The following REPS2 variants were observed in gnomAD, a reference collection of about 807,000 sequenced individuals.
REPS2 encodes RALBP1 associated Eps domain containing 2, also known as ralBP1-associated Eps domain-containing protein 2.
Under a neutral mutation model 53.6 loss-of-function variants are expected in REPS2, and 23 were observed. The observed-to-expected ratio is 0.43, with a 90% CI of 0.31 to 0.61. REPS2 has a LOEUF of 0.61. Among genes scored for constraint, REPS2 ranks in the 20% least tolerant of loss-of-function variants. The probability of loss-of-function intolerance (pLI) is 0.11; values close to 1 mark genes in which losing one functional copy is unlikely to be tolerated. For missense variants in REPS2, 446 were observed against 534.9 expected, an observed-to-expected ratio of 0.83 and a Z score of 1.64; for synonymous variants, 238 against 218.6, an observed-to-expected ratio of 1.09 and a Z score of -0.78.
intron 2 of REPS2, 21 bp downstream of exon 2, chrX:17,006,365 T>C: frequency 1.7e-6 from 2 of 1,195,203 alleles, no homozygotes; most frequent in Non-Finnish European, 2.3e-6. Flanking sequence ...CACATTTGTA[T>C]GTTTTATTGT....
rs1452893407 is a variant in REPS2, at chrX:17,047,922, C to T, written c.907+440C>T. Among the ~76,000 whole-genome samples, 4 of 112,842 alleles carry T rather than the reference C, an allele frequency of 3.5e-5. No homozygotes were observed. In the Admixed American group the frequency reaches 3.7e-4, roughly 11 times the overall value. ...GTTTTCTTTGGCTCAAATGTTTGTC[C>T]TCCAGTTTTTCTGAGAGAAATTAAA... On this transcript the variant is annotated intron_variant, in intron 6 of 17. Transcript: ENST00000357277.
chrX:17,020,785 C>T (rs996157795), intron 2 of REPS2, among the ~76,000 whole-genome samples: 2 of 110,804 alleles, frequency 1.8e-5, no homozygotes, highest in Non-Finnish European at 3.8e-5. Context: ...CCTGACGCCA[C>T]GCCTGGCTAA....
intron 1 of REPS2, among the ~76,000 whole-genome samples, chrX:16,974,506 A>T (rs1022502357): frequency 3.6e-5 from 4 of 110,498 alleles, no homozygotes; most frequent in African/African-American, 1.3e-4. Flanking sequence ...AACAAAAAAA[A>T]TTAGCCATGG....
intron 17 of REPS2, among the ~76,000 whole-genome samples, chrX:17,144,379 C>T (rs2063485771): frequency 2.7e-5 from 3 of 112,973 alleles, no homozygotes; most frequent in African/African-American, 3.2e-5. Flanking sequence ...TTTCAGCCAA[C>T]ACTTATTTTA....
At chrX:17,000,076 C>T (rs1297714036) in intron 1 of REPS2, among the ~76,000 whole-genome samples, 1 of 102,175 alleles carries the variant, frequency 9.8e-6, no homozygotes, top group Non-Finnish European at 2.0e-5. Flanking sequence ...AAAGCAAAAT[C>T]TTATTTCTAG....
chrX:17,124,835 C>A (rs1603086690), intron 14 of REPS2, among the ~76,000 whole-genome samples: 2 of 106,481 alleles, frequency 1.9e-5, no homozygotes, highest in African/African-American at 6.9e-5. Flanking sequence ...CACACCTTGG[C>A]AAAGTTCTAC....
chrX:16,979,765 T>C (rs2060998355), intron 1 of REPS2, among the ~76,000 whole-genome samples: 1 of 111,223 alleles, frequency 9.0e-6, no homozygotes, highest in Non-Finnish European at 1.9e-5. Flanking sequence ...TTCACATTCC[T>C]CTGAGAAAGG....
Position 17,129,294 on chromosome X carries a change from T to C in REPS2, c.1579-4530T>C, listed in dbSNP as rs573267023. On this transcript the variant is annotated intron_variant, in intron 14 of 17. Transcript: ENST00000357277. ...CAAGCCTAACATAAGCCTCAAACTA[T>C]TTTTATGAAGGAAAGCTTATTGTGA... Among the ~76,000 whole-genome samples the C allele has an allele frequency of 2.0e-4, 22 of 112,557 alleles. No individual in the cohort carries two copies. The South Asian group carries it at 4.8e-3, about 25-fold the overall frequency.
chrX:16,992,573 T>A (rs1282553763), intron 1 of REPS2, among the ~76,000 whole-genome samples: 2 of 111,866 alleles, frequency 1.8e-5, no homozygotes, highest in African/African-American at 6.5e-5. Context: ...CCACCTTCCT[T>A]ATGTTTTTAT....
chrX:17,136,738 T>G (rs776916893), intron 16 of REPS2: 12 of 112,340 alleles, frequency 1.1e-4, no homozygotes, highest in African/African-American at 3.2e-4. Context: ...CACCACAATC[T>G]AACTTTTGTC....
chrX:17,013,459 G>T (rs1278876815), intron 2 of REPS2, among the ~76,000 whole-genome samples: 1 of 111,517 alleles, frequency 9.0e-6, no homozygotes, highest in Non-Finnish European at 1.9e-5. Context: ...TTGAATTGAG[G>T]GTGGGGTTCC....
At chrX:17,058,826 G>A (rs941872083) in intron 8 of REPS2, among the ~76,000 whole-genome samples, 82 of 110,854 alleles carry the variant, frequency 7.4e-4, no homozygotes, top group African/African-American at 2.6e-3. Context: ...ACTCAGTGAC[G>A]GTATATTTTA....
intron 1 of REPS2, among the ~76,000 whole-genome samples, chrX:17,002,384 G>A (rs2061318513): frequency 9.0e-6 from 1 of 111,692 alleles, no homozygotes; most frequent in Admixed American, 9.5e-5. Flanking sequence ...AGGATTCTCT[G>A]AAATCACACC....
chrX:16,991,669 T>G (rs2061165512), intron 1 of REPS2, among the ~76,000 whole-genome samples: 1 of 110,247 alleles, frequency 9.1e-6, no homozygotes, highest in African/African-American at 3.3e-5. Context: ...TCCAATATGA[T>G]GAGTGTCCTC....
At chrX:16,969,598 C>T (rs1458499661) in intron 1 of REPS2, among the ~76,000 whole-genome samples, 5 of 109,682 alleles carry the variant, frequency 4.6e-5, no homozygotes, top group African/African-American at 6.7e-5. Flanking sequence ...TGGCGGCGCG[C>T]GCCTGCAATT....
the REPS2 span, among the ~76,000 whole-genome samples, chrX:17,183,113 G>T: frequency 2.7e-5 from 3 of 112,264 alleles, no homozygotes; most frequent in Admixed American, 9.4e-5. Flanking sequence ...GTTCAAAGGA[G>T]GAATGTTCCC....
chrX:17,005,562 C>T (rs2061354411), intron 1 of REPS2, among the ~76,000 whole-genome samples: 1 of 111,310 alleles, frequency 9.0e-6, no homozygotes, highest in Non-Finnish European at 1.9e-5. Flanking sequence ...TGAGAATACA[C>T]TGGGAAAACA....
chrX:16,986,983 C>T (rs1349375389), intron 1 of REPS2, among the ~76,000 whole-genome samples: 1 of 107,726 alleles, frequency 9.3e-6, no homozygotes, highest in African/African-American at 3.4e-5. Flanking sequence ...GATCATGGCT[C>T]ACTGCAGCCA....
chrX:17,045,555 A>G (rs2061894104), intron 5 of REPS2, among the ~76,000 whole-genome samples: 1 of 108,715 alleles, frequency 9.2e-6, no homozygotes, highest in East Asian at 2.9e-4. Context: ...TTGAACATTT[A>G]AGAGTGGTTT....
Sources: gnomAD v4.1 joint callset for allele counts (sites outside exome capture counted in the v4.1 genomes callset) on GRCh38, gnomAD v4.1.1 for gene constraint, MANE v1.5 for transcripts, NCBI Gene and HGNC (gene_info 2026-07-23, HGNC 2026-07-21) for gene names.